MARCHF3: variants seen among roughly 807,000 people sequenced by gnomAD.
MARCHF3 encodes membrane associated ring-CH-type finger 3, also known as E3 ubiquitin-protein ligase MARCHF3.
A neutral mutation model predicts 24.2 loss-of-function variants in MARCHF3; 13 were observed. The ratio of observed to expected loss-of-function variants is 0.54; its 90% CI spans 0.35 to 0.85. MARCHF3 has a LOEUF of 0.85. MARCHF3 is among the 40% of genes least tolerant of loss of function. MARCHF3 has a pLI of 0.01. For synonymous variants in MARCHF3, 144 were observed against 137.3 expected (o/e 1.05, Z -0.34); for missense variants, 276 against 325.0 (o/e 0.85, Z 1.16).
At chr5:126,981,194 A>T (rs142991998) in intron 1 of MARCHF3, among the ~76,000 whole-genome samples, 197 of 152,332 alleles carry the variant, frequency 1.3e-3, no homozygotes, top group Admixed American at 1.4e-3. Flanking sequence ...ACAATGAATG[A>T]CTGCTTCCTA....
At chr5:126,964,412 T>A (rs1234208537) in intron 1 of MARCHF3, among the ~76,000 whole-genome samples, 1 of 152,184 alleles carries the variant, frequency 6.6e-6, no homozygotes, top group Non-Finnish European at 1.5e-5. Flanking sequence ...GACTTCAATT[T>A]CTCCAGATTC....
chr5:126,956,645 CAAA>C (rs60640113), intron 1 of MARCHF3, among the ~76,000 whole-genome samples: 24 of 20,608 alleles, frequency 1.2e-3, no homozygotes, highest in African/African-American at 5.2e-3. Context: ...GCTCTGTCTC[CAAA>C]AAAAAAAAAA....
chr5:126,959,277 A>G (rs1435799639), intron 1 of MARCHF3, among the ~76,000 whole-genome samples: 4 of 152,160 alleles, frequency 2.6e-5, no homozygotes, highest in Non-Finnish European at 5.9e-5. Flanking sequence ...CTTTACTTCT[A>G]TGGGCTTCCT....
chr5:126,934,144 C>T (rs1749563677), intron 1 of MARCHF3, among the ~76,000 whole-genome samples: 1 of 152,164 alleles, frequency 6.6e-6, no homozygotes, highest in East Asian at 1.9e-4. Flanking sequence ...GAACTTCCCT[C>T]CACCTGACAG....
At chr5:126,903,119 A>G (rs1248797010) in intron 3 of MARCHF3, among the ~76,000 whole-genome samples, 1 of 152,090 alleles carries the variant, frequency 6.6e-6, no homozygotes, top group African/African-American at 2.4e-5. Context: ...TTCGGTCTAT[A>G]ATACTCTGAA....
chr5:126,903,208 C>G (rs1196280561), intron 3 of MARCHF3, among the ~76,000 whole-genome samples: 1 of 152,022 alleles, frequency 6.6e-6, no homozygotes, highest in African/African-American at 2.4e-5. Context: ...TCACCCAGTC[C>G]TGGAACCTCA....
intron 3 of MARCHF3, among the ~76,000 whole-genome samples, chr5:126,910,642 T>C (rs1478262135): frequency 1.3e-5 from 2 of 152,232 alleles, no homozygotes; most frequent in African/African-American, 4.8e-5. Flanking sequence ...TTTAATCTCT[T>C]AATCCCATCA....
intron 1 of MARCHF3, among the ~76,000 whole-genome samples, chr5:127,005,370 A>G (rs568030028): frequency 6.6e-6 from 1 of 152,138 alleles, no homozygotes; most frequent in South Asian, 2.1e-4. Context: ...TCCTGGTGTC[A>G]AGTGATCCAC....
intron 3 of MARCHF3, among the ~76,000 whole-genome samples, chr5:126,914,150 A>AT (rs1754636809): frequency 6.6e-6 from 1 of 151,446 alleles, no homozygotes; most frequent in Non-Finnish European, 1.5e-5. Flanking sequence ...TGCCCGGCTA[A>AT]TTTTTTGTAT....
chr5:126,883,707 AG>A (rs1468243180), intron 3 of MARCHF3, among the ~76,000 whole-genome samples: 1 of 152,180 alleles, frequency 6.6e-6, no homozygotes, highest in Non-Finnish European at 1.5e-5. Context: ...GGTGGGGAAG[AG>A]GGGGTGCCAG....
chr5:126,915,617 A>G (rs1666179039), intron 2 of MARCHF3, among the ~76,000 whole-genome samples: 1 of 152,088 alleles, frequency 6.6e-6, no homozygotes, highest in Admixed American at 6.6e-5. Flanking sequence ...CCAGCAACCA[A>G]CCCTGCAGCC....
intron 2 of MARCHF3, among the ~76,000 whole-genome samples, chr5:126,915,773 G>A (rs1754708536): frequency 2.6e-5 from 4 of 152,190 alleles, no homozygotes; most frequent in Admixed American, 2.6e-4. Flanking sequence ...CCTCAGTCTA[G>A]AGTTCTGCCT....
At chr5:126,916,692 GACACACACACACACACACAC>G (rs34090036) in intron 2 of MARCHF3, among the ~76,000 whole-genome samples, 6 of 130,482 alleles carry the variant, frequency 4.6e-5, no homozygotes, top group Admixed American at 2.2e-4. Context: ...CAGACAGACA[GACACACACACACACACACAC>G]ACACACACAC....
At chr5:126,925,886 T>C (rs1749278305) in intron 1 of MARCHF3, among the ~76,000 whole-genome samples, 2 of 152,208 alleles carry the variant, frequency 1.3e-5, no homozygotes, top group African/African-American at 4.8e-5. Context: ...AGCAAATAGC[T>C]ACCTGTCCAG....
chr5:126,978,395 T>C (rs1385865082), intron 1 of MARCHF3, among the ~76,000 whole-genome samples: 1 of 151,622 alleles, frequency 6.6e-6, no homozygotes, highest in Non-Finnish European at 1.5e-5. Flanking sequence ...AGGGAAAGAG[T>C]GGGGGAAAAA....
chr5:126,916,747 C>A (rs538341642), intron 2 of MARCHF3, among the ~76,000 whole-genome samples: 3 of 122,128 alleles, frequency 2.5e-5, no homozygotes, highest in African/African-American at 1.0e-4. Flanking sequence ...GCTCACAGGT[C>A]TCAACCACAT....
At chr5:126,964,584 T>C (rs1750742170) in intron 1 of MARCHF3, among the ~76,000 whole-genome samples, 1 of 152,228 alleles carries the variant, frequency 6.6e-6, no homozygotes, top group Non-Finnish European at 1.5e-5. Flanking sequence ...AATTTTAAGA[T>C]ATGAGTCCAG....
At chr5:126,929,832 T>C (rs1749422887) in intron 1 of MARCHF3, among the ~76,000 whole-genome samples, 1 of 152,206 alleles carries the variant, frequency 6.6e-6, no homozygotes, top group Non-Finnish European at 1.5e-5. Context: ...GTTCTTGTGA[T>C]AGTGAATAAG....
chr5:126,899,208 C>T (rs75321303), intron 3 of MARCHF3: 75 of 985,224 alleles, frequency 7.6e-5, no homozygotes, highest in East Asian at 1.1e-4. Context: ...ATGAGGAGGA[C>T]GGCAAAGCCT....
Sources: allele counts gnomAD v4.1 joint callset (sites outside exome capture counted in the v4.1 genomes callset), GRCh38; gene constraint gnomAD v4.1.1; transcripts MANE v1.5; gene names NCBI Gene and HGNC (gene_info 2026-07-23, HGNC 2026-07-21).